TTC7B: variants seen among roughly 807,000 people sequenced by gnomAD.
TTC7B encodes tetratricopeptide repeat domain 7B.
Under a neutral mutation model 106.8 loss-of-function variants are expected in TTC7B, and 28 were observed. That is an observed-to-expected ratio of 0.26 (90% CI 0.19 to 0.36). The LOEUF is 0.36. Ranked by LOEUF, TTC7B falls within the 10% of genes least tolerant of loss-of-function variation. The pLI, the probability that TTC7B is intolerant of heterozygous loss-of-function variation, is 1.00. For missense variants in TTC7B, 862 were observed against 1,076.4 expected, an observed-to-expected ratio of 0.80 and a Z score of 2.79; for synonymous variants, 405 against 430.6, an observed-to-expected ratio of 0.94 and a Z score of 0.74.
intron 9 of TTC7B, chr14:90,675,810 T>A (rs1292060793): frequency 2.0e-5 from 3 of 151,814 alleles, no homozygotes; most frequent in Non-Finnish European, 2.9e-5. Flanking sequence ...ATAGGGATTT[T>A]TTTTTCTCTA....
rs1386408067 is a variant in TTC7B, at chr14:90,736,809, T to C, written c.577-6613A>G. Among the ~76,000 whole-genome samples the C allele has an allele frequency of 2.7e-5, 4 of 150,430 alleles. No individual in the cohort carries two copies. In the East Asian group the frequency reaches 5.9e-4, roughly 22 times the overall value. On this transcript the variant is annotated intron_variant, in intron 4 of 19. Coordinates refer to ENST00000328459, the MANE Select transcript of TTC7B (RefSeq NM_001010854.2). ...GGGGCAGGAGGGACAGGAGGATCTCTTGAGCCCAGGAGTTTGAGGGTGCAA... is the reference window on the plus strand; with the variant it reads ...GGGGCAGGAGGGACAGGAGGATCTCCTGAGCCCAGGAGTTTGAGGGTGCAA...
intron 16 of TTC7B, among the ~76,000 whole-genome samples, chr14:90,615,856 A>T (rs1893049685): frequency 6.6e-6 from 1 of 152,100 alleles, no homozygotes; most frequent in African/African-American, 2.4e-5. Context: ...GGGGAGCCGG[A>T]GGGGGAATTC....
chr14:90,561,544 CAT>C (rs1287951074), intron 19 of TTC7B, among the ~76,000 whole-genome samples: 2 of 152,250 alleles, frequency 1.3e-5, no homozygotes, highest in African/African-American at 4.8e-5. Context: ...CTGGCTCACA[CAT>C]GTGATCACAT....
intron 15 of TTC7B, among the ~76,000 whole-genome samples, chr14:90,634,675 G>A (rs1884854433): frequency 6.6e-6 from 1 of 152,132 alleles, no homozygotes; most frequent in Non-Finnish European, 1.5e-5. Flanking sequence ...GGGCGGTCGA[G>A]GCACAAGAAT....
chr14:90,658,446 C>G, intron 9 of TTC7B, 59 bp from the exon 10 acceptor site: 1 of 1,491,992 alleles, frequency 6.7e-7, no homozygotes, highest in Non-Finnish European at 9.3e-7. Context: ...CACAACTGCA[C>G]AAGTGTGAGT....
intron 5 of TTC7B, among the ~76,000 whole-genome samples, chr14:90,702,313 C>G (rs1023582412): frequency 6.6e-6 from 1 of 152,104 alleles, no homozygotes; most frequent in Admixed American, 6.5e-5. Context: ...CTGTACCCAC[C>G]TCACTGTTGT....
intron 16 of TTC7B, among the ~76,000 whole-genome samples, chr14:90,614,462 C>T (rs1892989669): frequency 6.6e-6 from 1 of 152,156 alleles, no homozygotes; most frequent in African/African-American, 2.4e-5. Flanking sequence ...TTTGAATCAC[C>T]TGGAGATGTC....
At chr14:90,739,973 C>T (rs1889693666) in intron 4 of TTC7B, among the ~76,000 whole-genome samples, 1 of 152,176 alleles carries the variant, frequency 6.6e-6, no homozygotes, top group Non-Finnish European at 1.5e-5. Context: ...CTAATCAAGG[C>T]CATCCTATGC....
rs1889300136 is a variant in TTC7B at position 90,531,976 on chromosome 14, G to A, written c.*9392C>T. 1 of 152,254 alleles carries A rather than the reference G, an allele frequency of 6.6e-6. No individual in the cohort carries two copies. The highest frequency in any genetic ancestry group is 2.4e-5 in the African/African-American group (1 of 41,434). The allele number at this position is 152,254 out of a possible 1,614,324, so 9.4% of individuals were successfully genotyped here. On this transcript the variant is annotated 3_prime_UTR_variant, in exon 20 of 20. Transcript: ENST00000328459. ...GGGACCAGATCACTTGAGACCAGGA[G>A]TTGGAGATCAGCCTAGGCAACATGG...
chr14:90,627,331 A>T (rs1012598837), intron 15 of TTC7B, among the ~76,000 whole-genome samples: 1 of 152,106 alleles, frequency 6.6e-6, no homozygotes, highest in Non-Finnish European at 1.5e-5. Context: ...AAGGGGTCGC[A>T]GCACACAAGG....
rs533235556 is a variant in TTC7B, at chr14:90,587,913, C to T, written c.2107+5573G>A. The stretch of plus-strand genomic sequence containing the variant: ...TGATAGCTGTGTCTCAGTTTCTTCA[C>T]CTATGGAATGGGGTGAATACGGGTA... On this transcript the variant is annotated intron_variant, in intron 18 of 19. Coordinates refer to ENST00000328459, the MANE Select transcript of TTC7B (RefSeq NM_001010854.2). Among the ~76,000 whole-genome samples, 22 of 152,278 alleles carry T rather than the reference C, an allele frequency of 1.4e-4. No individual in the cohort carries two copies. In the South Asian group the frequency reaches 4.4e-3, roughly 30 times the overall value.
At chr14:90,593,389 CAGA>C in intron 18 of TTC7B, 94 bp downstream of exon 18, 1 of 1,458,824 alleles carries the variant, frequency 6.9e-7, no homozygotes, top group Non-Finnish European at 9.1e-7. Flanking sequence ...GTGGGCTAAA[CAGA>C]CAAGCGCCCA....
chr14:90,677,514 C>G, intron 8 of TTC7B, among the ~76,000 whole-genome samples: 1 of 152,226 alleles, frequency 6.6e-6, no homozygotes, highest in East Asian at 1.9e-4. Flanking sequence ...AGCTCATTTT[C>G]CTCTTTTCCC....
chr14:90,772,206 C>T (rs1229321509), intron 3 of TTC7B, among the ~76,000 whole-genome samples: 1 of 151,830 alleles, frequency 6.6e-6, no homozygotes, highest in Non-Finnish European at 1.5e-5. Context: ...AAATACCTCC[C>T]TTCAACCCAG....
intron 3 of TTC7B, among the ~76,000 whole-genome samples, chr14:90,767,156 T>C (rs1203456898): frequency 6.6e-6 from 1 of 151,884 alleles, no homozygotes; most frequent in Non-Finnish European, 1.5e-5. Flanking sequence ...GAGCTCAAGG[T>C]TACAGTGAGC....
At chr14:90,732,875 C>T (rs2139991178) in intron 4 of TTC7B, among the ~76,000 whole-genome samples, 1 of 152,282 alleles carries the variant, frequency 6.6e-6, no homozygotes, top group Non-Finnish European at 1.5e-5. Flanking sequence ...GCTTCTGCTT[C>T]TTGCTTCCTC....
Position 90,807,373 on chromosome 14 carries a change from G to A in TTC7B, c.121+8802C>T, listed in dbSNP as rs931482768. 1.2e-4 allele frequency among the ~76,000 whole-genome samples: 18 copies of A among 152,240 alleles called. No individual in the cohort carries two copies. Among genetic ancestry groups the A allele is most frequent in the Admixed American group, 3.3e-4 (5 of 15,300 alleles). On this transcript the variant is annotated intron_variant, in intron 1 of 19. Transcript: ENST00000328459. This position sits in a 1 kb window ranked among gnomAD's most constrained non-coding sequence, Gnocchi z 4.1. ...TCCCACTCGGACAACCACGTCTAAA[G>A]TCTGGTCCTAGAACTCCGGGCACCA...
intron 5 of TTC7B, among the ~76,000 whole-genome samples, chr14:90,728,337 C>CAAAAAAA (rs35504744): frequency 2.5e-5 from 1 of 40,036 alleles, no homozygotes; most frequent in Admixed American, 4.4e-4. Flanking sequence ...GTCCCCCCCG[C>CAAAAAAA]AAAAAAAAAA....
At position 90,578,269 on chromosome 14, in the gene TTC7B, G is replaced by A. The variant is rs752558925; in HGVS notation, c.2147C>T (p.Thr716Ile). ...YIGIGKPAEA[T>I]ACTQEAANLF... is the part of the protein sequence containing the mutation. ...GTTGGCAGCTTCTTGGGTACAGGCTGTGGCTTCTGCAGGCTTCCCGATGCC... is the reference window on the plus strand; with the variant it reads ...GTTGGCAGCTTCTTGGGTACAGGCTATGGCTTCTGCAGGCTTCCCGATGCC... Residue 716 changes from threonine to isoleucine, a missense_variant, in exon 19 of 20, where the codon ACA becomes ATA. Transcript: ENST00000328459. This position sits in a 1 kb window ranked among gnomAD's most constrained non-coding sequence, Gnocchi z 4.7. 4 of 1,614,110 alleles carry A rather than the reference G, an allele frequency of 2.5e-6. No homozygotes were observed. The African/African-American group carries it at 4.0e-5, about 16-fold the overall frequency.
Sources: gnomAD v4.1 joint callset for allele counts (sites outside exome capture counted in the v4.1 genomes callset) on GRCh38, gnomAD v4.1.1 for gene constraint, Gnocchi (gnomAD v3.1) non-coding constraint, MANE v1.5 for transcripts, NCBI Gene and HGNC (gene_info 2026-07-23, HGNC 2026-07-21) for gene names.